The following CTXND2 variants were observed in gnomAD, a reference collection of about 807,000 sequenced individuals.
CTXND2 encodes cortexin domain containing 2.
intron 1 of CTXND2, among the ~76,000 whole-genome samples, chr1:150,901,622 C>T (rs894824760): frequency 5.3e-5 from 8 of 152,086 alleles, no homozygotes; most frequent in Admixed American, 5.2e-4. Flanking sequence ...GTGTCAAGAA[C>T]ATTCAATGGG....
At chr1:150,904,047 A>T (rs1266848646) in intron 1 of CTXND2, 2 of 656,770 alleles carry the variant, frequency 3.0e-6, no homozygotes, top group Non-Finnish European at 5.7e-6. Flanking sequence ...TCTTACACAG[A>T]TGCCAATAAG....
At position 150,904,561 on chromosome 1, in the gene CTXND2, T is replaced by C. The variant is rs138663779; in HGVS notation, c.-73-7681T>C. On this transcript the variant is annotated intron_variant, in intron 1 of 1. Transcript: ENST00000636087. ...ATTTAGATTTATATAACTGGTTATG[T>C]GAATATATTTGAATACTGGAGAAAT... 8.4e-3 allele frequency among the ~76,000 whole-genome samples: 1,285 copies of C among 152,320 alleles called. 7 individuals are homozygous for C. Among genetic ancestry groups the C allele is most frequent in the Non-Finnish European group, 0.012 (811 of 68,030 alleles).
intron 1 of CTXND2, among the ~76,000 whole-genome samples, chr1:150,899,275 AT>A (rs1252361185): frequency 2.0e-5 from 3 of 151,802 alleles, no homozygotes; most frequent in South Asian, 2.1e-4. Flanking sequence ...ATCTCTACAA[AT>A]TTTTTTTAAA....
intron 1 of CTXND2, among the ~76,000 whole-genome samples, chr1:150,894,466 A>G (rs1267754465): frequency 6.6e-6 from 1 of 152,208 alleles, no homozygotes; most frequent in Non-Finnish European, 1.5e-5. Context: ...CTTGAGAAGA[A>G]TGTGTGTTCT....
At chr1:150,903,650 T>A (rs1031331154) in intron 1 of CTXND2, among the ~76,000 whole-genome samples, 2 of 151,604 alleles carry the variant, frequency 1.3e-5, no homozygotes, top group Admixed American at 6.6e-5. Flanking sequence ...ATACAAAAAA[T>A]TTGCTGGAAT....
chr1:150,902,682 C>T (rs1023193827), intron 1 of CTXND2, among the ~76,000 whole-genome samples: 6 of 151,776 alleles, frequency 4.0e-5, no homozygotes, highest in Non-Finnish European at 8.8e-5. Context: ...TTGTATAGTT[C>T]TGGTAACTAT....
intron 1 of CTXND2, among the ~76,000 whole-genome samples, chr1:150,897,515 G>A (rs1668927375): frequency 6.6e-6 from 1 of 152,060 alleles, no homozygotes; most frequent in Non-Finnish European, 1.5e-5. Context: ...GTAGAAATGG[G>A]GTTTCTCCAT....
intron 1 of CTXND2, among the ~76,000 whole-genome samples, chr1:150,900,321 C>T (rs946944619): frequency 1.3e-5 from 2 of 151,814 alleles, no homozygotes; most frequent in Non-Finnish European, 2.9e-5. Context: ...AGGTCTGCGG[C>T]TTCACTCCTA....
chr1:150,896,721 C>T (rs1668917907), intron 1 of CTXND2, among the ~76,000 whole-genome samples: 1 of 152,156 alleles, frequency 6.6e-6, no homozygotes, highest in African/African-American at 2.4e-5. Flanking sequence ...TTTACATACC[C>T]ACTTTAGAAA....
intron 1 of CTXND2, among the ~76,000 whole-genome samples, chr1:150,907,835 G>A (rs1448165176): frequency 5.4e-5 from 8 of 148,900 alleles, no homozygotes; most frequent in Admixed American, 1.4e-4. Context: ...TCAGCCTCCC[G>A]AGTAGCTGGG....
intron 1 of CTXND2, among the ~76,000 whole-genome samples, chr1:150,899,203 G>A (rs1668959592): frequency 6.6e-6 from 1 of 152,110 alleles, no homozygotes; most frequent in South Asian, 2.1e-4. Context: ...TGCCTTGGGA[G>A]GGCTAGGTGA....
chr1:150,887,493 A>G (rs1002161020), intron 1 of CTXND2, among the ~76,000 whole-genome samples, 180 bp downstream of exon 1: 1 of 151,980 alleles, frequency 6.6e-6, no homozygotes, highest in Non-Finnish European at 1.5e-5. Context: ...GGATCTTGCT[A>G]TGTTGCCCAG....
chr1:150,906,046 A>G (rs985527028), intron 1 of CTXND2, among the ~76,000 whole-genome samples: 4 of 151,970 alleles, frequency 2.6e-5, no homozygotes, highest in African/African-American at 9.7e-5. Flanking sequence ...CTATAATCCC[A>G]GCACTTTGGG....
intron 1 of CTXND2, among the ~76,000 whole-genome samples, chr1:150,904,833 A>G (rs1299470321): frequency 2.0e-5 from 3 of 152,232 alleles, no homozygotes; most frequent in East Asian, 1.9e-4. Flanking sequence ...ATAAGGTCAC[A>G]TGCTTTTAAA....
chr1:150,897,667 A>G (rs1377488977), intron 1 of CTXND2, among the ~76,000 whole-genome samples: 2 of 152,254 alleles, frequency 1.3e-5, no homozygotes, highest in Non-Finnish European at 2.9e-5. Flanking sequence ...AATCACTGCA[A>G]TTTTGAATGC....
chr1:150,899,027 G>A (rs587689825), intron 1 of CTXND2, among the ~76,000 whole-genome samples: 1 of 151,220 alleles, frequency 6.6e-6, no homozygotes, highest in East Asian at 1.9e-4. Context: ...GAACCCGGGA[G>A]GGGGAGCTTG....
At chr1:150,894,693 A>G (rs1023174319) in intron 1 of CTXND2, among the ~76,000 whole-genome samples, 2 of 152,122 alleles carry the variant, frequency 1.3e-5, no homozygotes, top group Non-Finnish European at 2.9e-5. Context: ...ATATCTTCCT[A>G]CTGAATTGAA....
At chr1:150,907,364 A>C (rs1414985304) in intron 1 of CTXND2, among the ~76,000 whole-genome samples, 1 of 152,140 alleles carries the variant, frequency 6.6e-6, no homozygotes, top group Admixed American at 6.5e-5. Flanking sequence ...AGCAACCACT[A>C]ATCTGTCTCT....
chr1:150,891,014 G>A (rs1215167863), intron 1 of CTXND2, among the ~76,000 whole-genome samples: 1 of 152,060 alleles, frequency 6.6e-6, no homozygotes, highest in African/African-American at 2.4e-5. Flanking sequence ...ATTAATCGAT[G>A]AAGGTTGTAC....
Sources: gnomAD v4.1 joint callset for allele counts (sites outside exome capture counted in the v4.1 genomes callset) on GRCh38, gnomAD v4.1.1 for gene constraint, MANE v1.5 for transcripts, NCBI Gene and HGNC (gene_info 2026-07-23, HGNC 2026-07-21) for gene names.